The following E2F7 variants were observed in gnomAD, a reference collection of about 807,000 sequenced individuals.
The protein encoded by E2F7 is E2F transcription factor 7.
A neutral mutation model predicts 81.1 loss-of-function variants in E2F7; 35 were observed. The observed-to-expected ratio is 0.43, with a 90% CI of 0.33 to 0.57. E2F7 has a LOEUF of 0.57. E2F7 is among the 20% of genes least tolerant of loss of function. The pLI is 0.04. For synonymous variants in E2F7, 416 were observed against 416.2 expected (o/e 1.00, Z 0.01); for missense variants, 961 against 1,093.7 (o/e 0.88, Z 1.71).
chr12:77,044,640 T>C lies in E2F7; in HGVS notation c.985A>G (p.Lys329Glu). Residue 329 changes from lysine (K) to glutamate (E), a missense_variant, in exon 6 of 13, where the codon AAA (lysine) becomes GAA (glutamate). Lys to Glu is a moderately conservative substitution (Grantham distance 56, BLOSUM62 1). Coordinates refer to ENST00000322886, the MANE Select transcript of E2F7 (RefSeq NM_203394.3). The stretch of plus-strand genomic sequence containing the variant: ...TGATGGAGGTGAAGATTCTTACTTT[T>C]AAATTTACTATGGTCTGGGGCATCT... ...SQDAPDHSKFKTKVRRLYDIA... is the reference protein window; with the variant it reads ...SQDAPDHSKFETKVRRLYDIA... 1.2e-6 allele frequency: 2 copies of C among 1,613,810 alleles called. No homozygotes were observed. The highest frequency in any genetic ancestry group is 1.7e-6 in the Non-Finnish European group (2 of 1,179,944).
chr12:77,050,775 G>T, intron 3 of E2F7, 31 bp from the exon 4 acceptor site: 1 of 1,605,272 alleles, frequency 6.2e-7, no homozygotes. Flanking sequence ...GGAGGGGGAA[G>T]ATGTCACAGT....
intron 7 of E2F7, among the ~76,000 whole-genome samples, chr12:77,042,690 C>G (rs192808290): frequency 1.2e-4 from 19 of 152,258 alleles, no homozygotes; most frequent in Non-Finnish European, 1.6e-4. Context: ...ACAGTTTTTA[C>G]ATTATGTAGA....
intron 2 of E2F7, 64 bp downstream of exon 2, chr12:77,064,479 C>T: frequency 7.6e-7 from 1 of 1,312,488 alleles, no homozygotes; most frequent in Non-Finnish European, 1.1e-6. Flanking sequence ...TGTTGGAACA[C>T]TTAATTGAAT....
chr12:77,064,603 C>T lies in E2F7; in HGVS notation c.33G>A (p.Leu11=), dbSNP rs146173171. 56 of 1,613,946 alleles carry T rather than the reference C, an allele frequency of 3.5e-5. No individual in the cohort carries two copies. The highest frequency in any genetic ancestry group is 4.2e-5 in the Non-Finnish European group (50 of 1,180,000). The change falls in exon 2 of 13, where the codon CTG becomes CTA. Residue 11 remains leucine (L), a synonymous_variant. Coordinates refer to ENST00000322886, the MANE Select transcript of E2F7 (RefSeq NM_203394.3). MEVNCLTLKD[L]ISPRQPRLDF... is the part of the protein sequence containing the mutation. ...CTAGTCTGGGCTGCCTGGGGCTGAT[C>T]AGGTCTTTTAGTGTTAAACAATTTA...
intron 11 of E2F7, among the ~76,000 whole-genome samples, chr12:77,027,383 C>T (rs964144788): frequency 1.3e-5 from 2 of 152,136 alleles, no homozygotes; most frequent in Non-Finnish European, 2.9e-5. Context: ...TCACAGCACC[C>T]ATATGAAGCA....
At chr12:77,062,388 TA>T (rs1955085590) in intron 2 of E2F7, among the ~76,000 whole-genome samples, 1 of 152,228 alleles carries the variant, frequency 6.6e-6, no homozygotes, top group Non-Finnish European at 1.5e-5. Flanking sequence ...TCTTGGCTCT[TA>T]AACCCCATGT....
In E2F7 at chr12:77,021,551, A is replaced by C. The variant is rs1185759621; in HGVS notation, c.*2464T>G. 1 of 152,626 alleles carries C rather than the reference A, an allele frequency of 6.6e-6. No individual in the cohort carries two copies. The highest frequency in any genetic ancestry group is 1.5e-5 in the Non-Finnish European group (1 of 68,036). 9.5% of individuals were successfully genotyped at this position (152,626 alleles called of 1,614,324 possible). On this transcript the variant is annotated 3_prime_UTR_variant, in exon 13 of 13. Transcript: ENST00000322886. ...AGCACCTTACAAAAAGGAATTGAGA[A>C]ATGTAAACTTGGTAGGTAGATTCAA...
chr12:77,042,577 T>C (rs1954902347), intron 7 of E2F7, among the ~76,000 whole-genome samples: 1 of 152,212 alleles, frequency 6.6e-6, no homozygotes. Flanking sequence ...ATACAAAAAG[T>C]CCATTACATC....
At chr12:77,052,257 T>C (rs771395265) in intron 3 of E2F7, among the ~76,000 whole-genome samples, 13 of 152,108 alleles carry the variant, frequency 8.5e-5, no homozygotes, top group Non-Finnish European at 1.5e-4. Flanking sequence ...AAAATACACA[T>C]GGAAGAACAA....
intron 1 of E2F7, 56 bp from the exon 2 acceptor site, chr12:77,064,691 AAC>A: frequency 7.1e-7 from 1 of 1,413,686 alleles, no homozygotes; most frequent in Non-Finnish European, 1.0e-6. Flanking sequence ...TTTTTCCTCA[AAC>A]AAAAATATCT....
chr12:77,057,372 G>A (rs1369705535), intron 2 of E2F7, among the ~76,000 whole-genome samples: 2 of 151,946 alleles, frequency 1.3e-5, no homozygotes, highest in African/African-American at 4.8e-5. Flanking sequence ...CACCAGGCCT[G>A]GCCTTTTTTA....
In E2F7 at chr12:77,024,194, AG is replaced by A. The variant is rs779395394; in HGVS notation, c.2566-10del. On this transcript the variant is annotated splice_polypyrimidine_tract_variant and intron_variant, in intron 12 of 12. Coordinates refer to ENST00000322886, the MANE Select transcript of E2F7 (RefSeq NM_203394.3). The stretch of plus-strand genomic sequence containing the variant: ...GTCACTGGAACTGGTGACTGAAAAA[AG>A]AAAAAAGAAAAAACAGAAGTGAAGT... The A allele has an allele frequency of 4.0e-5, 65 of 1,608,812 alleles. No homozygotes were observed. The highest frequency in any genetic ancestry group is 5.0e-5 in the Non-Finnish European group (59 of 1,178,186).
At chr12:77,055,703 G>C in intron 3 of E2F7, 152 bp downstream of exon 3, 1 of 790,708 alleles carries the variant, frequency 1.3e-6, no homozygotes, top group Admixed American at 3.4e-5. Flanking sequence ...AAATAAGATA[G>C]AATGAGAATT....
chr12:77,056,506 G>A (rs34598817), intron 2 of E2F7, among the ~76,000 whole-genome samples: 11,779 of 152,260 alleles, frequency 0.077, 628 homozygotes, highest in Non-Finnish European at 0.12. Context: ...ATTGACTAGT[G>A]AAGAGCAACA....
rs906373087 is a variant in E2F7, at chr12:77,022,222, T to G, written c.*1793A>C. On this transcript the variant is annotated 3_prime_UTR_variant, in exon 13 of 13. Coordinates refer to ENST00000322886, the MANE Select transcript of E2F7 (RefSeq NM_203394.3). The stretch of plus-strand genomic sequence containing the variant: ...ATTGAAACCTGAAAAAGGTATATTT[T>G]TATTTGTTTTGATAGGGAACCCATC... 1.3e-5 allele frequency: 2 copies of G among 152,200 alleles called. No individual in the cohort carries two copies. Among genetic ancestry groups the G allele is most frequent in the African/African-American group, 4.8e-5 (2 of 41,438 alleles). The allele number at this position is 152,200 out of a possible 1,614,324, so 9.4% of individuals were successfully genotyped here.
Position 77,033,207 on chromosome 12 carries a change from T to C in E2F7, c.1310-85A>G, listed in dbSNP as rs1954820282. 2.5e-6 allele frequency: 3 copies of C among 1,207,398 alleles called. No individual in the cohort carries two copies. In the South Asian group the frequency reaches 4.1e-5, roughly 17 times the overall value. 74.8% of individuals were successfully genotyped at this position (1,207,398 alleles called of 1,614,324 possible). On this transcript the variant is annotated intron_variant, in intron 8 of 12. Transcript: ENST00000322886. Reference sequence around the variant, plus strand: ...TACTGAGAATTATCTAGCTGAGAATTCATTATTCTCAGCTCAAAGATTACT... The same window carrying C: ...TACTGAGAATTATCTAGCTGAGAATCCATTATTCTCAGCTCAAAGATTACT...
chr12:77,061,012 C>T (rs1431417516), intron 2 of E2F7, among the ~76,000 whole-genome samples: 1 of 152,104 alleles, frequency 6.6e-6, no homozygotes, highest in African/African-American at 2.4e-5. Context: ...TGTGAGATAC[C>T]ACTGTTTCTT....
rs1294703780 is a variant in E2F7, at chr12:77,024,109, C to A, written c.2642G>T (p.Gly881Val). The A allele has an allele frequency of 6.2e-7, 1 of 1,613,952 alleles. No homozygotes were observed. Among genetic ancestry groups the A allele is most frequent in the Admixed American group, 1.7e-5 (1 of 60,000 alleles). The change falls in exon 13 of 13, where the codon GGA becomes GTA. Residue 881 changes from glycine to valine, a missense_variant. Gly to Val is a moderately radical substitution (Grantham distance 109, BLOSUM62 -3). Coordinates refer to ENST00000322886, the MANE Select transcript of E2F7 (RefSeq NM_203394.3). ...ETFFKTPGSLGDPVLKRRERN... is the reference protein window; with the variant it reads ...ETFFKTPGSLVDPVLKRRERN... ...TTCTCTTCTCTTCAGGACAGGGTCT[C>A]CAAGGCTGCCGGGTGTCTTGAAAAA...
chr12:77,032,673 G>A (rs1310287352), intron 9 of E2F7, among the ~76,000 whole-genome samples: 1 of 152,178 alleles, frequency 6.6e-6, no homozygotes, highest in African/African-American at 2.4e-5. Flanking sequence ...GATCAGATGA[G>A]TCAATATACA....
Sources: gnomAD v4.1 joint callset for allele counts (sites outside exome capture counted in the v4.1 genomes callset) on GRCh38, gnomAD v4.1.1 for gene constraint, MANE v1.5 for transcripts, NCBI Gene and HGNC (gene_info 2026-07-23, HGNC 2026-07-21) for gene names.